The following LAMA1 variants were observed in gnomAD, a reference collection of about 807,000 sequenced individuals.
The protein encoded by LAMA1 is laminin subunit alpha 1.
Under a neutral mutation model 348.7 loss-of-function variants are expected in LAMA1, and 219 were observed. That is an observed-to-expected ratio of 0.63 (90% confidence interval 0.56 to 0.70). The LOEUF (loss-of-function observed/expected upper bound fraction) is 0.70, where lower values mean the gene tolerates loss of function less well. Ranked by LOEUF, LAMA1 falls within the 30% of genes least tolerant of loss-of-function variation. The pLI is 0.00. For missense variants in LAMA1, 3,744 were observed against 3,888.0 expected (o/e 0.96, Z 0.99); for synonymous variants, 1,487 against 1,491.0 (o/e 1.00, Z 0.06).
chr18:7,057,471 C>CTTTTTT (rs552843703), intron 3 of LAMA1, among the ~76,000 whole-genome samples: 304 of 90,776 alleles, frequency 3.3e-3, no homozygotes, highest in East Asian at 0.011. Flanking sequence ...CTTTTCTTTT[C>CTTTTTT]TTTTTTTTTT....
Position 6,947,097 on chromosome 18 carries a change from T to C in LAMA1, c.8844+66A>G, listed in dbSNP as rs567137485. 3 of 1,596,992 alleles carry C rather than the reference T, an allele frequency of 1.9e-6. No individual in the cohort carries two copies. In the South Asian group the frequency reaches 3.3e-5, roughly 18 times the overall value. On this transcript the variant is annotated intron_variant, in intron 61 of 62. Transcript: ENST00000389658. ...TAGATAGTTGTGAATTTGAATCTGC[T>C]GTTTCTCAATTGCTCTGTCTCTGAC...
intron 19 of LAMA1, among the ~76,000 whole-genome samples, chr18:7,020,825 C>A (rs185117834): frequency 6.6e-6 from 1 of 152,204 alleles, no homozygotes; most frequent in Non-Finnish European, 1.5e-5. Flanking sequence ...TAACCCAACA[C>A]CCCTGGCAGC....
rs527469193 is a variant in LAMA1 at position 7,038,658 on chromosome 18, G to A, written c.1563+152C>T. ...GACCTATAAAGAATCTTGAGAGGCA[G>A]ACGGCTGCCTTTGACCCACGTCAGT... is the stretch of plus-strand genomic sequence containing the variant. On this transcript the variant is annotated intron_variant, in intron 11 of 62. Coordinates refer to ENST00000389658, the MANE Select transcript of LAMA1 (RefSeq NM_005559.4). The A allele has an allele frequency of 9.0e-6, 9 of 996,642 alleles. No individual in the cohort carries two copies. In the South Asian group the frequency reaches 1.2e-4, roughly 13 times the overall value. 61.7% of individuals were successfully genotyped at this position (996,642 alleles called of 1,614,324 possible). A position where few individuals can be genotyped will look rare whatever the true frequency, so the allele number is the denominator to read the frequency against.
intron 19 of LAMA1, among the ~76,000 whole-genome samples, chr18:7,021,800 ATATTATATTATATAATATATAT>A (rs1274026136): frequency 1.4e-5 from 1 of 73,584 alleles, no homozygotes; most frequent in African/African-American, 5.5e-5. Context: ...ATATAATAAT[ATATTATATTATATAATATATAT>A]TATATAATAT....
At chr18:7,017,104 C>A (rs554917592) in intron 20 of LAMA1, among the ~76,000 whole-genome samples, 174 bp downstream of exon 20, 5 of 152,168 alleles carry the variant, frequency 3.3e-5, no homozygotes, top group Non-Finnish European at 7.3e-5. Context: ...CCCAACCATG[C>A]GAAACTGTGA....
At chr18:7,104,599 G>A (rs1367067534) in intron 1 of LAMA1, among the ~76,000 whole-genome samples, 2 of 152,184 alleles carry the variant, frequency 1.3e-5, no homozygotes, top group African/African-American at 4.8e-5. Context: ...GGTTAGCAGT[G>A]GGAGAAGAGG....
In LAMA1 at chr18:7,008,245, G is replaced by A. The variant is rs535449557; in HGVS notation, c.4122+243C>T. Among the ~76,000 whole-genome samples the A allele has an allele frequency of 1.4e-3, 211 of 152,262 alleles. 1 individual carries two copies. The highest frequency in any genetic ancestry group is 6.8e-3 in the Middle Eastern group (2 of 294). On this transcript the variant is annotated intron_variant, in intron 28 of 62. Coordinates refer to ENST00000389658, the MANE Select transcript of LAMA1 (RefSeq NM_005559.4). ...TCGGATGATAAAAAGTTCTGAGGAT[G>A]ATAGTGGTGACAGTTGTACAACAAC...
At chr18:6,990,100 AT>A (rs1250850478) in intron 36 of LAMA1, among the ~76,000 whole-genome samples, 1 of 152,062 alleles carries the variant, frequency 6.6e-6, no homozygotes, top group Admixed American at 6.6e-5. Flanking sequence ...ATTTCATGTG[AT>A]TGTGGTTTAG....
chr18:7,001,642 T>A lies in LAMA1; in HGVS notation c.4382+622A>T, dbSNP rs1333453783. On this transcript the variant is annotated intron_variant, in intron 30 of 62. Coordinates refer to ENST00000389658, the MANE Select transcript of LAMA1 (RefSeq NM_005559.4). ...CAAGAGTTAACATTTGATCTTTGTA[T>A]GTTCAATACCTTGCCAAATATTCTA... 2.6e-5 allele frequency among the ~76,000 whole-genome samples: 4 copies of A among 152,240 alleles called. No homozygotes were observed. The East Asian group carries it at 7.7e-4, about 29-fold the overall frequency.
At chr18:7,004,920 C>G (rs1296140884) in intron 29 of LAMA1, among the ~76,000 whole-genome samples, 1 of 152,184 alleles carries the variant, frequency 6.6e-6, no homozygotes, top group Non-Finnish European at 1.5e-5. Context: ...GGTCTTGTGT[C>G]TAGTCAATGC....
chr18:7,068,815 AT>A (rs1276108738), intron 3 of LAMA1, among the ~76,000 whole-genome samples: 1 of 152,164 alleles, frequency 6.6e-6, no homozygotes, highest in Non-Finnish European at 1.5e-5. Flanking sequence ...AAAAGCTAGA[AT>A]GGATACCAAA....
chr18:6,969,196 G>A (rs1298998092), intron 48 of LAMA1, among the ~76,000 whole-genome samples: 1 of 152,088 alleles, frequency 6.6e-6, no homozygotes, highest in Non-Finnish European at 1.5e-5. Context: ...GAAGTGCAGG[G>A]GCTCAAGTGC....
In LAMA1 at chr18:6,947,171, C is replaced by T. The variant is rs2143967032; in HGVS notation, c.8836G>A (p.Asp2946Asn). The change falls in exon 61 of 63, where the codon GAC (aspartate) becomes AAC (asparagine). Residue 2946 changes from aspartate (D) to asparagine (N), a missense_variant. Asp to Asn is a conservative substitution (Grantham distance 23). Transcript: ENST00000389658. ...GGAGAGGAAGCACCCACCTTGCCGT[C>T]CACAAGCTCTAGTCCAATGGCATCC... The part of the protein sequence containing the change: ...KVDAIGLELV[D>N]GKVLFHVNNG... 6.2e-7 allele frequency: 1 copy of T among 1,614,230 alleles called. No homozygotes were observed. The highest frequency in any genetic ancestry group is 1.1e-5 in the South Asian group (1 of 91,088).
intron 11 of LAMA1, chr18:7,038,508 C>A: frequency 2.3e-6 from 1 of 428,314 alleles, no homozygotes; most frequent in Non-Finnish European, 4.3e-6. Flanking sequence ...CAGGGGCGGG[C>A]GGAGGGAGAG....
chr18:6,942,495 C>T (rs2057503461), intron 62 of LAMA1, among the ~76,000 whole-genome samples: 1 of 151,818 alleles, frequency 6.6e-6, no homozygotes, highest in Non-Finnish European at 1.5e-5. Flanking sequence ...CTCACTGCAA[C>T]CTCTGCCTCC....
Position 6,995,363 on chromosome 18 carries a change from T to C in LAMA1, c.4890A>G (p.Gln1630=), listed in dbSNP as rs750064953. 1.9e-6 allele frequency: 3 copies of C among 1,611,602 alleles called. No individual in the cohort carries two copies. The highest frequency in any genetic ancestry group is 1.1e-5 in the South Asian group (1 of 91,038). The change falls in exon 34 of 63, where the codon CAA becomes CAG. Residue 1630 remains glutamine, a synonymous_variant. Transcript: ENST00000389658. ...GGTTATGGAAAGAATTTACCTTCTT[T>C]TGCAGGTTGTCCGTTTCTTCTGCAA... ...EGVAEETDNL[Q]KKLTRMLAST...
chr18:7,076,662 T>TA (rs57167873), intron 3 of LAMA1, among the ~76,000 whole-genome samples: 5,970 of 136,002 alleles, frequency 0.044, 369 homozygotes, highest in African/African-American at 0.14. Flanking sequence ...GGATCCTGGT[T>TA]AAAAAAAAAA....
chr18:7,041,155 TAA>T, intron 9 of LAMA1, among the ~76,000 whole-genome samples: 1 of 142,882 alleles, frequency 7.0e-6, no homozygotes. Flanking sequence ...AACTGTTTTG[TAA>T]AAAAAAAAAA....
chr18:7,079,847 C>T (rs2058185544), intron 3 of LAMA1, 128 bp downstream of exon 3: 1 of 741,620 alleles, frequency 1.3e-6, no homozygotes, highest in Admixed American at 2.0e-5. Flanking sequence ...CACTTGCCTT[C>T]ACCTGGTGGA....
Sources: allele counts gnomAD v4.1 joint callset (sites outside exome capture counted in the v4.1 genomes callset), GRCh38; gene constraint gnomAD v4.1.1; transcripts MANE v1.5; gene names NCBI Gene and HGNC (gene_info 2026-07-23, HGNC 2026-07-21).